The following AGO2 variants were observed in gnomAD, a reference collection of about 807,000 sequenced individuals.
The protein encoded by AGO2 is protein argonaute-2.
Under a neutral mutation model 102.3 loss-of-function variants are expected in AGO2, and 5 were observed. The observed-to-expected ratio is 0.05, with a 90% confidence interval of 0.03 to 0.10. AGO2 has a LOEUF of 0.10. Among genes scored for constraint, AGO2 ranks in the 10% least tolerant of loss-of-function variants. The pLI, the probability that AGO2 is intolerant of heterozygous loss-of-function variation, is 1.00. For synonymous variants in AGO2, 449 were observed against 473.1 expected, an observed-to-expected ratio of 0.95 and a Z score of 0.66; for missense variants, 541 against 1,183.7, an observed-to-expected ratio of 0.46 and a Z score of 7.97.
intron 1 of AGO2, among the ~76,000 whole-genome samples, chr8:140,597,134 T>C (rs2073857352): frequency 6.6e-6 from 1 of 152,150 alleles, no homozygotes; most frequent in Non-Finnish European, 1.5e-5. Context: ...AGAAGAGCTG[T>C]TTCGTTCATT....
intron 3 of AGO2, among the ~76,000 whole-genome samples, chr8:140,565,038 G>A (rs956857819): frequency 6.6e-6 from 1 of 152,178 alleles, no homozygotes; most frequent in Non-Finnish European, 1.5e-5. Context: ...GGAGGCTGGG[G>A]CAGGAGAATC....
At chr8:140,548,578 C>T (rs2072942417) in intron 12 of AGO2, among the ~76,000 whole-genome samples, 1 of 152,138 alleles carries the variant, frequency 6.6e-6, no homozygotes, top group South Asian at 2.1e-4. Flanking sequence ...GATGTCAACA[C>T]CAACAGCTTT....
chr8:140,635,342 G>A (rs1394861068), intron 1 of AGO2, 143 bp downstream of exon 1: 4 of 480,096 alleles, frequency 8.3e-6, no homozygotes, highest in African/African-American at 2.1e-5. Context: ...CCCAAGCGCG[G>A]CCCCGGCTCG....
chr8:140,544,009 T>A (rs1037017785), intron 14 of AGO2, among the ~76,000 whole-genome samples: 4 of 152,214 alleles, frequency 2.6e-5, no homozygotes, highest in African/African-American at 9.6e-5. Flanking sequence ...GCCCCACCTC[T>A]GACTGCTTCT....
At chr8:140,588,259 T>C (rs2073688153) in intron 1 of AGO2, among the ~76,000 whole-genome samples, 1 of 152,152 alleles carries the variant, frequency 6.6e-6, no homozygotes, top group Non-Finnish European at 1.5e-5. Context: ...AGGCAAATCC[T>C]TTCATTCAGG....
intron 2 of AGO2, 45 bp from the exon 3 acceptor site, chr8:140,572,977 A>G: frequency 6.3e-7 from 1 of 1,577,546 alleles, no homozygotes; most frequent in Non-Finnish European, 8.6e-7. Flanking sequence ...TAAAATGGAG[A>G]AAATGGCATA....
intron 1 of AGO2, among the ~76,000 whole-genome samples, 154 bp downstream of exon 1, chr8:140,635,331 C>A (rs1163039127): frequency 6.8e-6 from 1 of 146,028 alleles, no homozygotes; most frequent in Non-Finnish European, 1.5e-5. Flanking sequence ...CTCCTCGAGC[C>A]CCCAAGCGCG....
chr8:140,549,067 G>A (rs367904890), intron 12 of AGO2, 47 bp downstream of exon 12: 124 of 1,549,236 alleles, frequency 8.0e-5, no homozygotes, highest in South Asian at 1.3e-4. Context: ...AAACACCCAC[G>A]GAGACCACGA....
intron 11 of AGO2, 43 bp downstream of exon 11, chr8:140,551,260 G>T: frequency 1.4e-6 from 2 of 1,454,984 alleles, no homozygotes; most frequent in Non-Finnish European, 9.2e-7. Flanking sequence ...CTGCCCATCG[G>T]GCAGCACCCC....
chr8:140,604,689 TGGTG>T (rs1588499520), intron 1 of AGO2, among the ~76,000 whole-genome samples: 1 of 151,876 alleles, frequency 6.6e-6, no homozygotes, highest in East Asian at 1.9e-4. Context: ...TAGCCGGGCG[TGGTG>T]GCGGGTGCCT....
chr8:140,555,386 G>T (rs1480578059), intron 10 of AGO2: 1 of 154,008 alleles, frequency 6.5e-6, no homozygotes, highest in Non-Finnish European at 1.4e-5. Context: ...CTACTTGGGA[G>T]GCTGAGGCGA....
At chr8:140,595,000 A>G (rs2073804428) in intron 1 of AGO2, among the ~76,000 whole-genome samples, 2 of 152,240 alleles carry the variant, frequency 1.3e-5, no homozygotes, top group African/African-American at 4.8e-5. Context: ...ATGACTGGAT[A>G]GTGCATGAGA....
chr8:140,611,036 G>A (rs538537949), intron 1 of AGO2, among the ~76,000 whole-genome samples: 16 of 152,374 alleles, frequency 1.1e-4, no homozygotes, highest in African/African-American at 3.1e-4. Flanking sequence ...CAGAACAGGA[G>A]TTAGGAGTCT....
Position 140,524,234 on chromosome 8 carries a change from C to A in AGO2, c.*7810G>T, listed in dbSNP as rs542020554. On this transcript the variant is annotated 3_prime_UTR_variant, in exon 19 of 19. Coordinates refer to ENST00000220592, the MANE Select transcript of AGO2 (RefSeq NM_012154.5). The stretch of plus-strand genomic sequence containing the variant: ...TTCTACAAAGACATGATTCCAATTC[C>A]TTTTTTAAAAAATCTACTTCCATTA... 8.5e-5 allele frequency: 13 copies of A among 152,310 alleles called. No homozygotes were observed. The highest frequency in any genetic ancestry group is 2.9e-4 in the African/African-American group (12 of 41,546). The allele number at this position is 152,310 out of a possible 1,614,324, so 9.4% of individuals were successfully genotyped here. A position where few individuals can be genotyped will look rare whatever the true frequency, so the allele number is the denominator to read the frequency against.
intron 1 of AGO2, among the ~76,000 whole-genome samples, chr8:140,624,193 T>C (rs1563656317): frequency 6.6e-6 from 1 of 152,122 alleles, no homozygotes; most frequent in Non-Finnish European, 1.5e-5. Context: ...CCAGCAGGTC[T>C]CGACTGGGTC....
intron 1 of AGO2, among the ~76,000 whole-genome samples, chr8:140,603,853 C>A (rs2073961367): frequency 6.6e-6 from 1 of 152,256 alleles, no homozygotes; most frequent in Non-Finnish European, 1.5e-5. Flanking sequence ...CAGCCATGTG[C>A]CTTGCCTGGC....
At position 140,539,491 on chromosome 8, in the gene AGO2, T is replaced by C. The variant is rs776089770; in HGVS notation, c.2035-37A>G. Reference sequence around the variant, plus strand: ...GGAGGGAGGAGGTTGTGCTTAAAGATGGTAGTGCATGTGAGCAACGGTCCC... The same window carrying C: ...GGAGGGAGGAGGTTGTGCTTAAAGACGGTAGTGCATGTGAGCAACGGTCCC... On this transcript the variant is annotated intron_variant, in intron 15 of 18. Transcript: ENST00000220592. The surrounding 1 kb of genome is among the most constrained non-coding windows in gnomAD (Gnocchi z 4.7). 3 of 1,586,612 alleles carry C rather than the reference T, an allele frequency of 1.9e-6. No homozygotes were observed. In the South Asian group the frequency reaches 3.4e-5, roughly 18 times the overall value.
At position 140,526,390 on chromosome 8, in the gene AGO2, C is replaced by T. The variant is rs2132839637; in HGVS notation, c.*5654G>A. On this transcript the variant is annotated 3_prime_UTR_variant, in exon 19 of 19. Coordinates refer to ENST00000220592, the MANE Select transcript of AGO2 (RefSeq NM_012154.5). The surrounding 1 kb of genome is among the most constrained non-coding windows in gnomAD (Gnocchi z 5.2). Reference sequence around the variant, plus strand: ...CGTTATGCCGTCCCGTGCAGAGAACCCTCCCATGCCATTCGTGCCGGCCGT... The same window carrying T: ...CGTTATGCCGTCCCGTGCAGAGAACTCTCCCATGCCATTCGTGCCGGCCGT... 1 of 152,340 alleles carries T rather than the reference C, an allele frequency of 6.6e-6. No homozygotes were observed. The allele number at this position is 152,340 out of a possible 1,614,324, so 9.4% of individuals were successfully genotyped here. A position where few individuals can be genotyped will look rare whatever the true frequency, so the allele number is the denominator to read the frequency against.
chr8:140,640,736 G>A, the AGO2 span, among the ~76,000 whole-genome samples: 1 of 151,962 alleles, frequency 6.6e-6, no homozygotes, highest in South Asian at 2.1e-4. Flanking sequence ...GGCCAGGCTG[G>A]TCTCGAACTC....
Sources: allele counts gnomAD v4.1 joint callset (sites outside exome capture counted in the v4.1 genomes callset), GRCh38; gene constraint gnomAD v4.1.1; non-coding constraint Gnocchi (gnomAD v3.1); transcripts MANE v1.5; gene names NCBI Gene and HGNC (gene_info 2026-07-23, HGNC 2026-07-21).